MMP25: variants seen among roughly 807,000 people sequenced by gnomAD.
MMP25 encodes matrix metallopeptidase 25.
MMP25 carries 68 observed loss-of-function variants against 62.1 expected under a neutral mutation model. The ratio of observed to expected loss-of-function variants is 1.10; its 90% CI spans 0.90 to 1.34. The LOEUF (loss-of-function observed/expected upper bound fraction) is 1.34. Among genes scored for constraint, MMP25 ranks in the 40% most tolerant of loss-of-function variants. MMP25 has a pLI of 0.00. For missense variants in MMP25, 942 were observed against 792.5 expected, an observed-to-expected ratio of 1.19 and a Z score of -2.26; for synonymous variants, 407 against 345.6, an observed-to-expected ratio of 1.18 and a Z score of -1.97.
chr16:3,058,546 C>T lies in MMP25; in HGVS notation c.1294C>T (p.Arg432Cys). 2 of 1,610,922 alleles carry T rather than the reference C, an allele frequency of 1.2e-6. No homozygotes were observed. The highest frequency in any genetic ancestry group is 1.7e-6 in the Non-Finnish European group (2 of 1,179,318). ...WPQNGKTYLV[R>C]GRQYWRYDEA... ...ACAGAACGGGAAGACCTACCTGGTC[C>T]GCGGCCGGCAGTACTGGCGCTACGA... The change falls in exon 9 of 10, where the codon CGC becomes TGC. Residue 432 changes from arginine to cysteine, a missense_variant. Arg to Cys is a radical substitution (Grantham distance 180). Transcript: ENST00000336577.
rs546585954 is a variant in MMP25 at position 3,060,109 on chromosome 16, G to C, written c.*1011G>C. On this transcript the variant is annotated 3_prime_UTR_variant, in exon 10 of 10. Transcript: ENST00000336577. ...CTGGGAGGCCTTAGCTCTAGAGTGA[G>C]GGGTGGGTGGAACCTGGGGGCACCT... 1 of 152,336 alleles carries C rather than the reference G, an allele frequency of 6.6e-6. No homozygotes were observed. The highest frequency in any genetic ancestry group is 2.4e-5 in the African/African-American group (1 of 41,398). 9.4% of individuals were successfully genotyped at this position (152,336 alleles called of 1,614,324 possible).
At chr16:3,049,599 T>C (rs1696884187) in intron 2 of MMP25, among the ~76,000 whole-genome samples, 1 of 151,934 alleles carries the variant, frequency 6.6e-6, no homozygotes. Context: ...CTAATCTGGG[T>C]TTGAGGAGAA....
Position 3,049,990 on chromosome 16 carries a change from C to T in MMP25, c.233-19C>T, listed in dbSNP as rs769603192. 8.1e-6 allele frequency: 13 copies of T among 1,606,780 alleles called. No homozygotes were observed. Among genetic ancestry groups the T allele is most frequent in the African/African-American group, 5.3e-5 (4 of 74,916 alleles). On this transcript the variant is annotated intron_variant, in intron 2 of 9. Coordinates refer to ENST00000336577, the MANE Select transcript of MMP25 (RefSeq NM_022468.5). Reference sequence around the variant, plus strand: ...CTCCTATTGTGGACACACCCCCCACCGCCAAATGTCTCCCGCAGACCCAGG... The same window carrying T: ...CTCCTATTGTGGACACACCCCCCACTGCCAAATGTCTCCCGCAGACCCAGG...
rs1956056832 is a variant in MMP25 at position 3,058,551 on chromosome 16, CCG to C, written c.1300_1301del (p.Arg434AlafsTer31). On this transcript the variant is annotated frameshift_variant, in exon 9 of 10. Transcript: ENST00000336577. LOFTEE classifies it high-confidence loss of function. Reference sequence around the variant, plus strand: ...ACGGGAAGACCTACCTGGTCCGCGGCCGGCAGTACTGGCGCTACGACGAGGCG... The same window carrying C: ...ACGGGAAGACCTACCTGGTCCGCGGCGCAGTACTGGCGCTACGACGAGGCG... The part of the protein sequence containing the change: ...QNGKTYLVRG[R>X]QYWRYDEAAA... The C allele has an allele frequency of 4.3e-6, 7 of 1,610,932 alleles. 1 individual carries two copies. The South Asian group carries it at 7.7e-5, about 18-fold the overall frequency.
Position 3,059,365 on chromosome 16 carries a change from A to G in MMP25, c.*267A>G. On this transcript the variant is annotated 3_prime_UTR_variant, in exon 10 of 10. Transcript: ENST00000336577. ...TCAGGGGCGCACGCGCGCTGGGACC[A>G]TGCGTCGGTCGTCGCCCCCGTCGTT... 1 of 354,256 alleles carries G rather than the reference A, an allele frequency of 2.8e-6. No individual in the cohort carries two copies. The highest frequency in any genetic ancestry group is 5.0e-6 in the Non-Finnish European group (1 of 200,280). The allele number at this position is 354,256 out of a possible 1,614,324, so 21.9% of individuals were successfully genotyped here.
In MMP25 at chr16:3,057,377, G is replaced by A. The variant is rs142328902; in HGVS notation, c.906G>A (p.Pro302=). ...CCCTGGCTCCTCCGCCCCAGCCCCCGGCCTCGCCCACACACAGGTGAGTCC... is the reference window on the plus strand; with the variant it reads ...CCCTGGCTCCTCCGCCCCAGCCCCCAGCCTCGCCCACACACAGGTGAGTCC... ...RKPLAPPPQP[P]ASPTHSPSFP... The change falls in exon 6 of 10, where the codon CCG becomes CCA. Residue 302 remains proline (P), a synonymous_variant. Transcript: ENST00000336577. 130 of 1,612,746 alleles carry A rather than the reference G, an allele frequency of 8.1e-5. No homozygotes were observed. Among genetic ancestry groups the A allele is most frequent in the Non-Finnish European group, 9.2e-5 (109 of 1,179,474 alleles).
chr16:3,049,441 T>C (rs2247226), intron 2 of MMP25, among the ~76,000 whole-genome samples: 91,692 of 151,928 alleles, frequency 0.6, 27,922 homozygotes, highest in African/African-American at 0.64. Flanking sequence ...GCCGCCTCAA[T>C]AAATGAGGCG....
At chr16:3,055,869 C>A (rs771208278) in intron 4 of MMP25, 1 of 455,482 alleles carries the variant, frequency 2.2e-6, no homozygotes, top group Admixed American at 2.3e-5. Flanking sequence ...AGGCGGCTCA[C>A]CGGTTGATGA....
At chr16:3,055,938 C>T (rs1234990182) in intron 4 of MMP25, 18 of 455,400 alleles carry the variant, frequency 4.0e-5, no homozygotes, top group African/African-American at 1.0e-4. Flanking sequence ...CAGTCCTGAG[C>T]GCCTGAGCTG....
chr16:3,057,543 C>T lies in MMP25; in HGVS notation c.936C>T (p.Pro312=), dbSNP rs201804621. Residue 312 remains proline, a synonymous_variant, in exon 7 of 10, where the codon CCC becomes CCT. Transcript: ENST00000336577. ...CTTTCCTCCCCAGCCCATCCTTCCC[C>T]ATCCCTGATCGATGTGAGGGCAATT... The part of the protein sequence containing the change: ...PASPTHSPSF[P]IPDRCEGNFD... 7 of 1,614,090 alleles carry T rather than the reference C, an allele frequency of 4.3e-6. No homozygotes were observed. The African/African-American group carries it at 6.7e-5, about 15-fold the overall frequency.
Position 3,059,489 on chromosome 16 carries a change from A to G in MMP25, c.*391A>G. 1 of 178,948 alleles carries G rather than the reference A, an allele frequency of 5.6e-6. No homozygotes were observed. Among genetic ancestry groups the G allele is most frequent in the Non-Finnish European group, 1.2e-5 (1 of 86,156 alleles). The allele number at this position is 178,948 out of a possible 1,614,324, so 11.1% of individuals were successfully genotyped here. A position where few individuals can be genotyped will look rare whatever the true frequency, so the allele number is the denominator to read the frequency against. Reference sequence around the variant, plus strand: ...CGGGCCCGCGGCCTCACCCGGAGGGACGGCAGCCCCGGTCGCGCGCTGGCC... The same window carrying G: ...CGGGCCCGCGGCCTCACCCGGAGGGGCGGCAGCCCCGGTCGCGCGCTGGCC... On this transcript the variant is annotated 3_prime_UTR_variant, in exon 10 of 10. Coordinates refer to ENST00000336577, the MANE Select transcript of MMP25 (RefSeq NM_022468.5).
intron 4 of MMP25, chr16:3,052,753 G>C (rs1170689850): frequency 6.5e-6 from 1 of 153,092 alleles, no homozygotes; most frequent in South Asian, 2.0e-4. Flanking sequence ...AGTCTGCAGC[G>C]CTCTGGGCTG....
chr16:3,051,577 A>C, intron 4 of MMP25: 1 of 152,228 alleles, frequency 6.6e-6, no homozygotes, highest in East Asian at 1.9e-4. Flanking sequence ...ACTGACACAC[A>C]CAATGAACCA....
At chr16:3,058,731 TGGGGACA>T in intron 9 of MMP25, 62 bp downstream of exon 9, 1 of 1,489,286 alleles carries the variant, frequency 6.7e-7, no homozygotes. Context: ...ATGTGGGGAA[TGGGGACA>T]TGGAGGCCAC....
At chr16:3,057,845 C>A in intron 7 of MMP25, 1 of 596,058 alleles carries the variant, frequency 1.7e-6, no homozygotes, top group South Asian at 2.1e-5. Context: ...ACCACAGGCA[C>A]ATGCCACCAC....
chr16:3,048,474 C>T (rs1382052402), intron 2 of MMP25, among the ~76,000 whole-genome samples: 2 of 152,030 alleles, frequency 1.3e-5, no homozygotes, highest in Non-Finnish European at 2.9e-5. Flanking sequence ...TTTCAGATGG[C>T]GGTGAGTGTT....
intron 4 of MMP25, chr16:3,052,268 G>C (rs752077730): frequency 1.3e-5 from 2 of 152,248 alleles, no homozygotes; most frequent in African/African-American, 2.4e-5. Context: ...GCTGAGTCAG[G>C]GGTAAGAGGA....
intron 2 of MMP25, among the ~76,000 whole-genome samples, chr16:3,047,916 C>T (rs562123043): frequency 4.0e-4 from 61 of 151,502 alleles, no homozygotes; most frequent in South Asian, 6.3e-4. Flanking sequence ...CTCGGCTCAC[C>T]GCAACCTCTG....
rs1295401052 is a variant in MMP25, at chr16:3,058,457, C to T, written c.1205C>T (p.Ala402Val). The change falls in exon 9 of 10, where the codon GCG becomes GTG. Residue 402 changes from alanine to valine, a missense_variant. Physicochemically the swap from Ala to Val is moderately conservative, Grantham distance 64 (BLOSUM62 0). Coordinates refer to ENST00000336577, the MANE Select transcript of MMP25 (RefSeq NM_022468.5). ...VFQDRQLEGG[A>V]RPLTELGLPP... ...CAGGACCGGCAGCTGGAGGGCGGGG[C>T]GCGGCCGCTCACGGAGCTGGGGCTG... The T allele has an allele frequency of 6.3e-7, 1 of 1,594,804 alleles. No individual in the cohort carries two copies. Among genetic ancestry groups the T allele is most frequent in the Non-Finnish European group, 8.5e-7 (1 of 1,171,642 alleles).
Sources: gnomAD v4.1 joint callset for allele counts (sites outside exome capture counted in the v4.1 genomes callset) on GRCh38, gnomAD v4.1.1 for gene constraint, MANE v1.5 for transcripts, NCBI Gene and HGNC (gene_info 2026-07-23, HGNC 2026-07-21) for gene names.